Variants in THSD4 observed in about 807,000 individuals in gnomAD.
The protein encoded by THSD4 is thrombospondin type 1 domain containing 4, also known as thrombospondin type-1 domain-containing protein 4.
Under a neutral mutation model 119.0 loss-of-function variants are expected in THSD4, and 69 were observed. The ratio of observed to expected loss-of-function variants is 0.58; its 90% CI spans 0.48 to 0.71. The LOEUF is 0.71. THSD4 is among the 30% of genes least tolerant of loss of function. THSD4 has a pLI of 0.00. For missense variants in THSD4, 1,393 were observed against 1,391.1 expected (o/e 1.00, Z -0.02); for synonymous variants, 524 against 540.4 (o/e 0.97, Z 0.42).
At chr15:71,665,145 C>T (rs1217101579) in intron 8 of THSD4, among the ~76,000 whole-genome samples, 3 of 152,170 alleles carry the variant, frequency 2.0e-5, no homozygotes, top group Admixed American at 6.6e-5. Flanking sequence ...TCCATAACCT[C>T]GCCAGCATCT....
chr15:71,376,764 A>T (rs995022747), intron 6 of THSD4, among the ~76,000 whole-genome samples: 6 of 152,184 alleles, frequency 3.9e-5, no homozygotes, highest in Non-Finnish European at 8.8e-5. Flanking sequence ...AAATATGATT[A>T]GGTCTGTAAG....
At chr15:71,341,798 T>C in intron 6 of THSD4, 1 of 770,006 alleles carries the variant, frequency 1.3e-6, no homozygotes, top group Non-Finnish European at 2.4e-6. Context: ...AACCCTCTTT[T>C]CTTCCTTCCT....
intron 8 of THSD4, among the ~76,000 whole-genome samples, chr15:71,705,406 T>C (rs2052374955): frequency 6.6e-6 from 1 of 152,214 alleles, no homozygotes; most frequent in Admixed American, 6.5e-5. Context: ...TGACTTCTAT[T>C]GTTAATGAAG....
At position 71,211,434 on chromosome 15, in the gene THSD4, G is replaced by A. The variant is rs546877451; in HGVS notation, c.100-3601G>A. 9.4e-4 allele frequency among the ~76,000 whole-genome samples: 143 copies of A among 152,258 alleles called. 1 individual carries two copies. Among genetic ancestry groups the A allele is most frequent in the African/African-American group, 3.4e-3 (141 of 41,536 alleles). On this transcript the variant is annotated intron_variant, in intron 3 of 17. Transcript: ENST00000261862. ...TCTCCCTGTGTTCTCATATGGTGGG[G>A]TGGGGAGTGGGGCTAAGAGAGAGAG...
chr15:71,529,101 C>T (rs970899044), intron 7 of THSD4, among the ~76,000 whole-genome samples: 12 of 152,186 alleles, frequency 7.9e-5, no homozygotes, highest in African/African-American at 2.7e-4. Flanking sequence ...CTCCATCTGC[C>T]AGGTGGATAT....
intron 8 of THSD4, among the ~76,000 whole-genome samples, chr15:71,709,845 T>G (rs1176476041): frequency 6.6e-6 from 1 of 151,962 alleles, no homozygotes. Flanking sequence ...TTTCTGGGAG[T>G]GAGGCCCAGG....
At chr15:71,672,241 T>TG (rs2051546803) in intron 8 of THSD4, among the ~76,000 whole-genome samples, 1 of 152,214 alleles carries the variant, frequency 6.6e-6, no homozygotes, top group Non-Finnish European at 1.5e-5. Flanking sequence ...TTATTCTCTT[T>TG]GAAGCAATTG....
At chr15:71,296,228 C>A (rs545779414) in intron 6 of THSD4, among the ~76,000 whole-genome samples, 2 of 152,254 alleles carry the variant, frequency 1.3e-5, no homozygotes, top group Admixed American at 6.5e-5. Flanking sequence ...CAGGAAATAG[C>A]CAAACTGTTT....
intron 7 of THSD4, among the ~76,000 whole-genome samples, chr15:71,573,106 A>C (rs895211970): frequency 6.6e-6 from 1 of 152,134 alleles, no homozygotes; most frequent in East Asian, 1.9e-4. Flanking sequence ...ACACTGTGGC[A>C]TCTGCAGGAG....
chr15:71,294,075 CCTT>C (rs2044829170), intron 6 of THSD4, among the ~76,000 whole-genome samples: 1 of 152,136 alleles, frequency 6.6e-6, no homozygotes, highest in Non-Finnish European at 1.5e-5. Flanking sequence ...CCTTCTAGCT[CCTT>C]CTGTTCTCAT....
chr15:71,675,364 A>G lies in THSD4; in HGVS notation c.1357+14630A>G, dbSNP rs560905899. On this transcript the variant is annotated intron_variant, in intron 8 of 17. Transcript: ENST00000261862. The stretch of plus-strand genomic sequence containing the variant: ...TCGGTACTTAAATATATTTTACTGT[A>G]GTTTATCTGTTTACATGTCTGTGCT... Among the ~76,000 whole-genome samples the G allele has an allele frequency of 2.1e-3, 317 of 152,330 alleles. 3 individuals carry two copies. Among genetic ancestry groups the G allele is most frequent in the African/African-American group, 7.0e-3 (290 of 41,572 alleles).
At position 71,141,440 on chromosome 15, in the gene THSD4, T is replaced by C. The variant is rs2040602950; in HGVS notation, c.-79-9T>C. The C allele has an allele frequency of 7.4e-7, 1 of 1,350,126 alleles. No individual in the cohort carries two copies. Among genetic ancestry groups the C allele is most frequent in the African/African-American group, 1.5e-5 (1 of 67,720 alleles). The allele number at this position is 1,350,126 out of a possible 1,614,324, so 83.6% of individuals were successfully genotyped here. A position where few individuals can be genotyped will look rare whatever the true frequency, so the allele number is the denominator to read the frequency against. On this transcript the variant is annotated splice_polypyrimidine_tract_variant and intron_variant, in intron 1 of 17. Coordinates refer to ENST00000261862, the MANE Select transcript of THSD4 (RefSeq NM_024817.3). ...ATGTTGCTAAAAATAACATTGTTCA[T>C]TTCCATAGGACTTGAACGCAACTCC...
chr15:71,339,859 G>T (rs2045541093), intron 6 of THSD4, among the ~76,000 whole-genome samples: 1 of 152,066 alleles, frequency 6.6e-6, no homozygotes, highest in Admixed American at 6.5e-5. Flanking sequence ...CTGCCTCCTG[G>T]GTTCAAGGAA....
At chr15:71,584,892 G>A (rs2140857172) in intron 7 of THSD4, among the ~76,000 whole-genome samples, 1 of 152,070 alleles carries the variant, frequency 6.6e-6, no homozygotes, top group East Asian at 1.9e-4. Context: ...ATTTCCATGA[G>A]GCTTACATAA....
chr15:71,721,212 A>G (rs2052715406), intron 8 of THSD4, among the ~76,000 whole-genome samples: 3 of 152,114 alleles, frequency 2.0e-5, no homozygotes, highest in Non-Finnish European at 2.9e-5. Context: ...ATTAAAAAAT[A>G]CAAAAAAAGA....
chr15:71,598,888 G>A (rs2049955801), intron 7 of THSD4, among the ~76,000 whole-genome samples: 1 of 152,132 alleles, frequency 6.6e-6, no homozygotes, highest in Non-Finnish European at 1.5e-5. Context: ...AAAGTGCTGG[G>A]ATTACAAGTT....
At chr15:71,613,460 T>C (rs1036105515) in intron 7 of THSD4, among the ~76,000 whole-genome samples, 35 of 152,160 alleles carry the variant, frequency 2.3e-4, no homozygotes, top group Admixed American at 6.5e-4. Context: ...AGGAGGAGGA[T>C]GTATGGGTTT....
At chr15:71,296,555 C>T (rs113423631) in intron 6 of THSD4, among the ~76,000 whole-genome samples, 5,169 of 152,266 alleles carry the variant, frequency 0.034, 156 homozygotes, top group African/African-American at 0.085. Flanking sequence ...AGAATCAGTA[C>T]GCAGAGCAGG....
At chr15:71,254,737 G>T (rs1022624303) in intron 5 of THSD4, among the ~76,000 whole-genome samples, 1 of 152,154 alleles carries the variant, frequency 6.6e-6, no homozygotes, top group South Asian at 2.1e-4. Flanking sequence ...GAGACAGCTG[G>T]TGTTGCTGGA....
Sources: allele counts gnomAD v4.1 joint callset (sites outside exome capture counted in the v4.1 genomes callset), GRCh38; gene constraint gnomAD v4.1.1; transcripts MANE v1.5; gene names NCBI Gene and HGNC (gene_info 2026-07-23, HGNC 2026-07-21).